MAN1C1: variants seen among roughly 807,000 people sequenced by gnomAD.
The protein encoded by MAN1C1 is mannosidase alpha class 1C member 1, also known as mannosyl-oligosaccharide 1,2-alpha-mannosidase IC.
MAN1C1 carries 49 observed loss-of-function variants against 71.5 expected under a neutral mutation model. The ratio of observed to expected loss-of-function variants is 0.69; its 90% CI spans 0.54 to 0.87. The LOEUF is 0.87. Among genes scored for constraint, MAN1C1 ranks in the 40% least tolerant of loss-of-function variants. The pLI, the probability that MAN1C1 is intolerant of heterozygous loss-of-function variation, is 0.00. For missense variants in MAN1C1, 743 were observed against 835.0 expected (o/e 0.89, Z 1.36); for synonymous variants, 352 against 343.7 (o/e 1.02, Z -0.27).
chr1:25,637,975 T>G (rs2045486880), intron 1 of MAN1C1, among the ~76,000 whole-genome samples: 1 of 152,120 alleles, frequency 6.6e-6, no homozygotes, highest in African/African-American at 2.4e-5. Flanking sequence ...TAATTGGGTC[T>G]GGCTTTTTGA....
rs969884424 is a variant in MAN1C1, at chr1:25,735,297, A to G, written c.638-11371A>G. Among the ~76,000 whole-genome samples the G allele has an allele frequency of 2.0e-5, 3 of 152,206 alleles. No individual in the cohort carries two copies. Among genetic ancestry groups the G allele is most frequent in the Admixed American group, 2.0e-4 (3 of 15,282 alleles). ...GCCGGGCATGCTGACGCATGCCTGTAATCCCAGCTACTTGGGAGGCTGAGG... is the reference window on the plus strand; with the variant it reads ...GCCGGGCATGCTGACGCATGCCTGTGATCCCAGCTACTTGGGAGGCTGAGG... On this transcript the variant is annotated intron_variant, in intron 2 of 11. Coordinates refer to ENST00000374332, the MANE Select transcript of MAN1C1 (RefSeq NM_020379.4). This position sits in a 1 kb window ranked among gnomAD's most constrained non-coding sequence, Gnocchi z 4.6.
Position 25,730,418 on chromosome 1 carries a change from A to G in MAN1C1, c.638-16250A>G, listed in dbSNP as rs922480659. 6.9e-6 allele frequency among the ~76,000 whole-genome samples: 1 copy of G among 144,286 alleles called. No homozygotes were observed. The highest frequency in any genetic ancestry group is 1.5e-5 in the Non-Finnish European group (1 of 65,718). The allele number at this position is 144,286 out of a possible 152,430, so 94.7% of individuals were successfully genotyped here. On this transcript the variant is annotated intron_variant, in intron 2 of 11. Transcript: ENST00000374332. The surrounding 1 kb of genome is among the most constrained non-coding windows in gnomAD (Gnocchi z 4.3). Reference sequence around the variant, plus strand: ...CAAAATCAGATTTTTTTTTTTTTTTAGTTTTCTCAGCCATCCTCGAAAACC... The same window carrying G: ...CAAAATCAGATTTTTTTTTTTTTTTGGTTTTCTCAGCCATCCTCGAAAACC...
Position 25,617,674 on chromosome 1 carries a change from AGGGTT to A in MAN1C1, c.-121_-117del. 1.3e-6 allele frequency: 1 copy of A among 799,706 alleles called. No individual in the cohort carries two copies. Among genetic ancestry groups the A allele is most frequent in the African/African-American group, 1.8e-5 (1 of 54,138 alleles). 49.5% of individuals were successfully genotyped at this position (799,706 alleles called of 1,614,324 possible). On this transcript the variant is annotated 5_prime_UTR_variant, in exon 1 of 12. Transcript: ENST00000374332. The surrounding 1 kb of genome is among the most constrained non-coding windows in gnomAD (Gnocchi z 5.1). The stretch of plus-strand genomic sequence containing the variant: ...AGTCCCCCGAAGCGGCGAAACTCTC[AGGGTT>A]GGCAACCCTGCCCAGGGACCCCCAT...
chr1:25,699,026 G>T (rs1343802071), intron 2 of MAN1C1, among the ~76,000 whole-genome samples: 1 of 151,808 alleles, frequency 6.6e-6, no homozygotes, highest in Admixed American at 6.6e-5. Flanking sequence ...AGCATGAAAG[G>T]CTGGGCGCAG....
intron 2 of MAN1C1, among the ~76,000 whole-genome samples, chr1:25,738,591 A>G (rs1363190874): frequency 6.6e-6 from 1 of 152,240 alleles, no homozygotes; most frequent in African/African-American, 2.4e-5. Context: ...GCAGTCATGT[A>G]TAGACCCTCA....
intron 2 of MAN1C1, among the ~76,000 whole-genome samples, chr1:25,740,514 GC>G (rs2047047539): frequency 1.3e-5 from 2 of 152,158 alleles, no homozygotes; most frequent in Admixed American, 1.3e-4. Flanking sequence ...TCGGCTCACT[GC>G]AAGCTCCGCC....
intron 11 of MAN1C1, among the ~76,000 whole-genome samples, chr1:25,783,358 C>T (rs1398291912): frequency 6.6e-6 from 1 of 152,194 alleles, no homozygotes; most frequent in African/African-American, 2.4e-5. Context: ...CCCTCAGGCA[C>T]CCCTGCAGAG....
intron 2 of MAN1C1, among the ~76,000 whole-genome samples, chr1:25,744,918 C>T (rs1202573514): frequency 3.3e-5 from 5 of 152,200 alleles, no homozygotes; most frequent in Non-Finnish European, 7.3e-5. Context: ...GCAGGGAGGA[C>T]ACTGAAGGAA....
At position 25,782,568 on chromosome 1, in the gene MAN1C1, C is replaced by T. The variant is rs369077571; in HGVS notation, c.1651-17C>T. 1 of 1,584,892 alleles carries T rather than the reference C, an allele frequency of 6.3e-7. No individual in the cohort carries two copies. The highest frequency in any genetic ancestry group is 1.3e-5 in the African/African-American group (1 of 74,364). On this transcript the variant is annotated splice_polypyrimidine_tract_variant and intron_variant, in intron 10 of 11. Coordinates refer to ENST00000374332, the MANE Select transcript of MAN1C1 (RefSeq NM_020379.4). This position sits in a 1 kb window ranked among gnomAD's most constrained non-coding sequence, Gnocchi z 4.4. The stretch of plus-strand genomic sequence containing the variant: ...CCGTGTTAAGGCTGTTTTCCTCCTC[C>T]TCTTCCCCTTCCTCAGGCCTTGGAG...
chr1:25,700,975 G>T (rs1275846038), intron 2 of MAN1C1, among the ~76,000 whole-genome samples: 3 of 152,270 alleles, frequency 2.0e-5, no homozygotes, highest in African/African-American at 7.2e-5. Context: ...TCGCCATTAG[G>T]CTTGGCGCCT....
chr1:25,663,101 T>TTA (rs1031380864), intron 1 of MAN1C1, among the ~76,000 whole-genome samples: 6 of 148,422 alleles, frequency 4.0e-5, no homozygotes, highest in African/African-American at 1.5e-4. Context: ...AAAAAAAAAA[T>TTA]TATACATATA....
chr1:25,690,244 C>T (rs1012311786), intron 2 of MAN1C1, among the ~76,000 whole-genome samples: 2 of 151,974 alleles, frequency 1.3e-5, no homozygotes, highest in South Asian at 2.1e-4. Context: ...GAGGATGCAG[C>T]CCGTTCCTCG....
At position 25,775,103 on chromosome 1, in the gene MAN1C1, G is replaced by A. The variant is rs181798438; in HGVS notation, c.1258-3002G>A. Among the ~76,000 whole-genome samples the A allele has an allele frequency of 2.0e-4, 30 of 152,332 alleles. No individual in the cohort carries two copies. The East Asian group carries it at 4.4e-3, about 23-fold the overall frequency. ...AAGGTGCAGGTGCCAGGTCTGGTGC[G>A]CAGCATCCTGAGGTCTCCCTCAGAT... On this transcript the variant is annotated intron_variant, in intron 8 of 11. Coordinates refer to ENST00000374332, the MANE Select transcript of MAN1C1 (RefSeq NM_020379.4). The surrounding 1 kb of genome is among the most constrained non-coding windows in gnomAD (Gnocchi z 5.1).
In MAN1C1 at chr1:25,764,637, C is replaced by G. The variant is rs1281049581; in HGVS notation, c.1141+670C>G. On this transcript the variant is annotated intron_variant, in intron 7 of 11. Transcript: ENST00000374332. This position sits in a 1 kb window ranked among gnomAD's most constrained non-coding sequence, Gnocchi z 4.4. ...GTAGAGATGTTGGCCAAGCTGGTCTCGAACTCCTGACCTCAAATGATCCAA... is the reference window on the plus strand; with the variant it reads ...GTAGAGATGTTGGCCAAGCTGGTCTGGAACTCCTGACCTCAAATGATCCAA... Among the ~76,000 whole-genome samples, 1 of 151,804 alleles carries G rather than the reference C, an allele frequency of 6.6e-6. No individual in the cohort carries two copies. Among genetic ancestry groups the G allele is most frequent in the African/African-American group, 2.4e-5 (1 of 41,348 alleles).
In MAN1C1 at chr1:25,732,407, C is replaced by A. The variant is rs2046921036; in HGVS notation, c.638-14261C>A. ...GAGTCCTGGCTCCCTGTTCATCAGC[C>A]CTGGGAGGTTTAGATGATTCTCTAA... On this transcript the variant is annotated intron_variant, in intron 2 of 11. Coordinates refer to ENST00000374332, the MANE Select transcript of MAN1C1 (RefSeq NM_020379.4). Among the ~76,000 whole-genome samples, 3 of 152,152 alleles carry A rather than the reference C, an allele frequency of 2.0e-5. No individual in the cohort carries two copies. The South Asian group carries it at 6.2e-4, about 32-fold the overall frequency.
At chr1:25,747,884 C>T (rs1187211083) in intron 3 of MAN1C1, among the ~76,000 whole-genome samples, 5 of 152,122 alleles carry the variant, frequency 3.3e-5, no homozygotes, top group South Asian at 2.1e-4. Context: ...GAGTTGTAAC[C>T]GCATTTTATA....
At chr1:25,643,900 G>A (rs2045574026) in intron 1 of MAN1C1, among the ~76,000 whole-genome samples, 1 of 152,136 alleles carries the variant, frequency 6.6e-6, no homozygotes, top group African/African-American at 2.4e-5. Context: ...ACTGATTCAT[G>A]TTGGAAATCT....
At chr1:25,691,309 T>C (rs531213113) in intron 2 of MAN1C1, among the ~76,000 whole-genome samples, 53 of 152,220 alleles carry the variant, frequency 3.5e-4, no homozygotes, top group African/African-American at 1.2e-3. Context: ...AGAGACTCTG[T>C]CTCAAAAACA....
chr1:25,717,474 G>A (rs1557777424), intron 2 of MAN1C1, among the ~76,000 whole-genome samples: 3 of 152,118 alleles, frequency 2.0e-5, no homozygotes, highest in South Asian at 2.1e-4. Context: ...TGTGATCTGT[G>A]ATCATACTAC....
Sources: gnomAD v4.1 joint callset for allele counts (sites outside exome capture counted in the v4.1 genomes callset) on GRCh38, gnomAD v4.1.1 for gene constraint, Gnocchi (gnomAD v3.1) non-coding constraint, MANE v1.5 for transcripts, NCBI Gene and HGNC (gene_info 2026-07-23, HGNC 2026-07-21) for gene names.